The following ASMTL variants were observed in gnomAD, a reference collection of about 807,000 sequenced individuals.
ASMTL encodes the protein probable bifunctional dTTP/UTP pyrophosphatase/methyltransferase protein.
ASMTL carries 57 observed loss-of-function variants against 60.3 expected under a neutral mutation model. That is an observed-to-expected ratio of 0.95 (90% CI 0.76 to 1.18). The LOEUF (loss-of-function observed/expected upper bound fraction) is 1.18. ASMTL is among the 50% of genes most tolerant of loss of function. The pLI is 0.00. For synonymous variants in ASMTL, 419 were observed against 373.0 expected (o/e 1.12, Z -1.42); for missense variants, 981 against 852.6 (o/e 1.15, Z -1.88).
In ASMTL at chrX:1,412,676, T is replaced by G. The variant is rs117021662; in HGVS notation, c.1645+56A>C. The G allele has an allele frequency of 5.1e-3, 8,195 of 1,611,360 alleles. 368 individuals are homozygous for G. The African/African-American group carries it at 0.098, about 19-fold the overall frequency. ...CCGCGCCCGGCCTCCTTGTAAAACT[T>G]GAACCCAAAATACTACGTCTTAACA... On this transcript the variant is annotated intron_variant, in intron 12 of 12. Coordinates refer to ENST00000381317, the MANE Select transcript of ASMTL (RefSeq NM_004192.4).
chrX:1,428,698 C>T lies in ASMTL; in HGVS notation c.510-577G>A, dbSNP rs1279737933. Among the ~76,000 whole-genome samples the T allele has an allele frequency of 4.2e-4, 53 of 124,724 alleles. 2 individuals carry two copies. Among genetic ancestry groups the T allele is most frequent in the African/African-American group, 1.2e-3 (41 of 33,498 alleles). The allele number at this position is 124,724 out of a possible 152,430, so 81.8% of individuals were successfully genotyped here. On this transcript the variant is annotated intron_variant, in intron 6 of 12. Coordinates refer to ENST00000381317, the MANE Select transcript of ASMTL (RefSeq NM_004192.4). Reference sequence around the variant, plus strand: ...TCATGTGTTAAATGGGATGTTTTGACATATGTATACATGCGTCATCATTAA... The same window carrying T: ...TCATGTGTTAAATGGGATGTTTTGATATATGTATACATGCGTCATCATTAA...
intron 1 of ASMTL, among the ~76,000 whole-genome samples, chrX:1,450,429 C>T (rs777009127): frequency 1.3e-5 from 2 of 151,776 alleles, no homozygotes; most frequent in African/African-American, 4.8e-5. Flanking sequence ...TCCCCTCCCC[C>T]ACCCCTAGGG....
chrX:1,404,206 T>C (rs1425867500), intron 12 of ASMTL, among the ~76,000 whole-genome samples: 1 of 150,468 alleles, frequency 6.6e-6, no homozygotes. Flanking sequence ...ATGAGATGGA[T>C]GGGTGAATAG....
At chrX:1,428,208 T>C (rs2090667814) in intron 6 of ASMTL, 87 bp from the exon 7 acceptor site, 4 of 1,483,542 alleles carry the variant, frequency 2.7e-6, no homozygotes, top group African/African-American at 2.8e-5. Flanking sequence ...CGGAGGTGGG[T>C]GGATCACGAG....
intron 1 of ASMTL, among the ~76,000 whole-genome samples, chrX:1,447,499 C>G (rs2091252932): frequency 6.6e-6 from 1 of 151,856 alleles, no homozygotes; most frequent in South Asian, 2.1e-4. Context: ...ATCTTGGACA[C>G]ACACCGCCAT....
Position 1,404,301 on chromosome X carries a change from T to G in ASMTL, c.1646-812A>C, listed in dbSNP as rs1279352221. Reference sequence around the variant, plus strand: ...ATGGATGGATGGATGGGTGAATAGATGGTAGATCATGGGTACATAGATAGA... The same window carrying G: ...ATGGATGGATGGATGGGTGAATAGAGGGTAGATCATGGGTACATAGATAGA... On this transcript the variant is annotated intron_variant, in intron 12 of 12. Transcript: ENST00000381317. Among the ~76,000 whole-genome samples, 6 of 146,100 alleles carry G rather than the reference T, an allele frequency of 4.1e-5. No individual in the cohort carries two copies. In the Admixed American group the frequency reaches 4.1e-4, roughly 10 times the overall value.
intron 1 of ASMTL, among the ~76,000 whole-genome samples, chrX:1,443,903 GAC>G (rs1193692658): frequency 6.6e-6 from 1 of 152,158 alleles, no homozygotes; most frequent in Non-Finnish European, 1.5e-5. Context: ...CCCCATCATG[GAC>G]ACACACCGCC....
chrX:1,434,897 A>G, intron 5 of ASMTL, 125 bp downstream of exon 5: 1 of 959,730 alleles, frequency 1.0e-6, no homozygotes, highest in Admixed American at 2.0e-5. Flanking sequence ...AGCAGGACAT[A>G]GGCACAAACC....
chrX:1,410,858 C>G (rs1294521229), intron 12 of ASMTL, among the ~76,000 whole-genome samples: 3 of 151,922 alleles, frequency 2.0e-5, no homozygotes, highest in African/African-American at 4.8e-5. Context: ...CCACTGCACA[C>G]CAGCCTGGGC....
At chrX:1,438,162 G>C (rs1411554004) in intron 3 of ASMTL, among the ~76,000 whole-genome samples, 3 of 150,796 alleles carry the variant, frequency 2.0e-5, no homozygotes, top group Admixed American at 6.6e-5. Context: ...GGTGGCGGGT[G>C]CCTGTGATCC....
chrX:1,432,474 G>C (rs1204023351), intron 5 of ASMTL, 97 bp from the exon 6 acceptor site: 9 of 857,120 alleles, frequency 1.1e-5, no homozygotes, highest in Non-Finnish European at 1.6e-5. Flanking sequence ...GTGTACTCGA[G>C]CGCAGCGCAC....
chrX:1,431,893 C>T (rs2090799981), intron 6 of ASMTL: 1 of 248,504 alleles, frequency 4.0e-6, no homozygotes, highest in Admixed American at 5.0e-5. Flanking sequence ...GTAGAATCAC[C>T]TCTTAGGGTG....
At chrX:1,438,096 CT>C (rs1280416488) in intron 3 of ASMTL, among the ~76,000 whole-genome samples, 4 of 151,602 alleles carry the variant, frequency 2.6e-5, no homozygotes, top group Non-Finnish European at 5.9e-5. Context: ...TGAGACCAGC[CT>C]GGCCAACATG....
chrX:1,426,262 T>A (rs1339761269), intron 7 of ASMTL, among the ~76,000 whole-genome samples: 23 of 152,120 alleles, frequency 1.5e-4, no homozygotes, highest in Non-Finnish European at 3.4e-4. Flanking sequence ...CAATGTCTGT[T>A]GTTTATAAAC....
intron 1 of ASMTL, among the ~76,000 whole-genome samples, chrX:1,446,491 T>C (rs2091233859): frequency 7.2e-6 from 1 of 139,340 alleles, no homozygotes; most frequent in Admixed American, 8.0e-5. Flanking sequence ...GGTCCCTACA[T>C]CTCATGACAT....
In ASMTL at chrX:1,442,185, C is replaced by G; in HGVS notation, c.225+1G>C. Reference sequence around the variant, plus strand: ...AGGGCCGAAGGGCAGGGGCCCCTTGCCTGGTACAGCCGGTTGGCCACCTCC... The same window carrying G: ...AGGGCCGAAGGGCAGGGGCCCCTTGGCTGGTACAGCCGGTTGGCCACCTCC... On this transcript the variant is annotated splice_donor_variant, in intron 2 of 12. Transcript: ENST00000381317. LOFTEE classifies it high-confidence loss of function. 2 of 1,613,564 alleles carry G rather than the reference C, an allele frequency of 1.2e-6. No homozygotes were observed. The highest frequency in any genetic ancestry group is 1.7e-6 in the Non-Finnish European group (2 of 1,179,824).
Position 1,451,137 on chromosome X carries a change from T to C in ASMTL, c.93+1611A>G, listed in dbSNP as rs59940114. Among the ~76,000 whole-genome samples, 4 of 67,606 alleles carry C rather than the reference T, an allele frequency of 5.9e-5. 1 individual carries two copies. Among genetic ancestry groups the C allele is most frequent in the African/African-American group, 3.5e-4 (4 of 11,376 alleles). The allele number at this position is 67,606 out of a possible 152,430, so 44.4% of individuals were successfully genotyped here. A position where few individuals can be genotyped will look rare whatever the true frequency, so the allele number is the denominator to read the frequency against. On this transcript the variant is annotated intron_variant, in intron 1 of 12. Transcript: ENST00000381317. The stretch of plus-strand genomic sequence containing the variant: ...TCCTGGATCACTCTCCCCTCCCCAT[T>C]CCTAGGGGGTCCTGGGACACTCCTC...
Position 1,403,366 on chromosome X carries a change from T to TA in ASMTL, c.1768dup (p.Tyr590LeufsTer59), listed in dbSNP as rs1435353386. On this transcript the variant is annotated frameshift_variant, in exon 13 of 13. Transcript: ENST00000381317. LOFTEE classifies it low-confidence loss of function (END_TRUNC). ...GCCGTGCAGCTCCAGCAAGCACTGA[T>TA]ACTCGCCCAGGCTCCGCTCCTTGCC... The TA allele has an allele frequency of 1.9e-6, 3 of 1,613,338 alleles. No homozygotes were observed. Among genetic ancestry groups the TA allele is most frequent in the Non-Finnish European group, 1.7e-6 (2 of 1,179,874 alleles).
chrX:1,417,914 C>T, intron 11 of ASMTL, 59 bp downstream of exon 11: 1 of 1,553,918 alleles, frequency 6.4e-7, no homozygotes, highest in Non-Finnish European at 8.7e-7. Context: ...TGCCCTCTGT[C>T]TAGAAAGAGA....
Sources: allele counts gnomAD v4.1 joint callset (sites outside exome capture counted in the v4.1 genomes callset), GRCh38; gene constraint gnomAD v4.1.1; transcripts MANE v1.5; gene names NCBI Gene and HGNC (gene_info 2026-07-23, HGNC 2026-07-21).